The following CELF2 variants were observed in gnomAD, a reference collection of about 807,000 sequenced individuals.
CELF2 encodes CUG triplet repeat RNA-binding protein 2.
A neutral mutation model predicts 62.6 loss-of-function variants in CELF2; 8 were observed. The observed-to-expected ratio is 0.13, with a 90% CI of 0.07 to 0.23. The LOEUF (loss-of-function observed/expected upper bound fraction) is 0.23. CELF2 is among the 10% of genes least tolerant of loss of function. CELF2 has a pLI of 1.00. For missense variants in CELF2, 333 were observed against 671.0 expected, an observed-to-expected ratio of 0.50 and a Z score of 5.56; for synonymous variants, 258 against 250.0, an observed-to-expected ratio of 1.03 and a Z score of -0.30.
upstream of CELF2, among the ~76,000 whole-genome samples, chr10:11,013,497 G>A (rs1290876375): frequency 6.6e-6 from 1 of 152,126 alleles, no homozygotes; most frequent in East Asian, 1.9e-4. This position sits in a 1 kb window ranked among gnomAD's most constrained non-coding sequence, Gnocchi z 4.1. Flanking sequence ...TCTTCAGCTT[G>A]AAGGCCTCTT....
At chr10:10,893,054 G>T (rs35702588) in intron 1 of CELF2, among the ~76,000 whole-genome samples, 2,913 of 152,256 alleles carry the variant, frequency 0.019, 78 homozygotes, top group African/African-American at 0.065. Context: ...TGGACACCCT[G>T]GATAACATTA....
chr10:11,043,659 T>TA (rs2062248189), intron 1 of CELF2, among the ~76,000 whole-genome samples: 1 of 152,162 alleles, frequency 6.6e-6, no homozygotes, highest in African/African-American at 2.4e-5. Context: ...GCTTTGCTTC[T>TA]CCCACATTCT....
intron 2 of CELF2, among the ~76,000 whole-genome samples, chr10:10,973,217 G>A (rs1404426866): frequency 6.6e-6 from 1 of 151,790 alleles, no homozygotes; most frequent in Admixed American, 6.6e-5. Flanking sequence ...GGAGGCAGAG[G>A]TTGCAGTGAG....
chr10:10,649,921 G>A, the CELF2 span, among the ~76,000 whole-genome samples: 1 of 152,050 alleles, frequency 6.6e-6, no homozygotes, highest in South Asian at 2.1e-4. Context: ...ATCGATCTCT[G>A]CAGCGGGATG....
At chr10:10,984,095 G>A (rs1202859938) in intron 2 of CELF2, among the ~76,000 whole-genome samples, 2 of 152,132 alleles carry the variant, frequency 1.3e-5, no homozygotes, top group Non-Finnish European at 2.9e-5. Flanking sequence ...CAGCTTCCTG[G>A]CATCTGTTAA....
rs1473072663 is a variant in CELF2 at position 11,223,211 on chromosome 10, A to G, written c.354+5704A>G. Among the ~76,000 whole-genome samples the G allele has an allele frequency of 3.3e-5, 5 of 152,242 alleles. No individual in the cohort carries two copies. The highest frequency in any genetic ancestry group is 7.3e-5 in the Non-Finnish European group (5 of 68,042). On this transcript the variant is annotated intron_variant, in intron 3 of 12. Transcript: ENST00000633077. The surrounding 1 kb of genome is among the most constrained non-coding windows in gnomAD (Gnocchi z 5.1). ...GCGATGATGGTGAGCTCTGCTTCCC[A>G]GCATCCTCACAGTCAGGCCTGAGCG...
chr10:11,136,324 C>T (rs758485299), intron 1 of CELF2, among the ~76,000 whole-genome samples: 1 of 152,156 alleles, frequency 6.6e-6, no homozygotes, highest in South Asian at 2.1e-4. Context: ...TAAACTTGGC[C>T]GGGCCCGGTG....
chr10:10,908,213 G>GTTTTTTT, intron 1 of CELF2, among the ~76,000 whole-genome samples: 1 of 26,540 alleles, frequency 3.8e-5, no homozygotes, highest in East Asian at 1.6e-3. Flanking sequence ...TGTATGAGGG[G>GTTTTTTT]ATTTTTTTTT....
the CELF2 span, among the ~76,000 whole-genome samples, chr10:10,659,865 G>A: frequency 6.6e-6 from 1 of 152,334 alleles, no homozygotes; most frequent in East Asian, 1.9e-4. Context: ...TTAAGGATCT[G>A]GAGATGGGGA....
At chr10:11,317,873 C>T (rs1260749189) in intron 10 of CELF2, 2 of 152,236 alleles carry the variant, frequency 1.3e-5, no homozygotes, top group Non-Finnish European at 2.9e-5. Context: ...CACTGCCGCA[C>T]CTGTCACTTG....
At chr10:11,026,716 T>G (rs1213608039) in intron 1 of CELF2, among the ~76,000 whole-genome samples, 2 of 152,148 alleles carry the variant, frequency 1.3e-5, no homozygotes, top group East Asian at 3.8e-4. Context: ...TTAATGCCCG[T>G]TTTATCCTTT....
chr10:10,575,533 T>G, the CELF2 span, among the ~76,000 whole-genome samples: 2 of 152,326 alleles, frequency 1.3e-5, no homozygotes, highest in East Asian at 1.9e-4. Context: ...GTTTTTTGTT[T>G]TCCCAATTCA....
chr10:10,515,961 A>G, the CELF2 span, among the ~76,000 whole-genome samples: 14 of 152,192 alleles, frequency 9.2e-5, no homozygotes, highest in Non-Finnish European at 1.9e-4. Flanking sequence ...AAATCCACCA[A>G]TCTTAGATTT....
At chr10:10,753,784 T>C in the CELF2 span, among the ~76,000 whole-genome samples, 1 of 152,206 alleles carries the variant, frequency 6.6e-6, no homozygotes, top group African/African-American at 2.4e-5. Flanking sequence ...AGTTTATGCA[T>C]TGAACTATAG....
chr10:10,466,053 C>T, the CELF2 span, among the ~76,000 whole-genome samples: 1 of 152,164 alleles, frequency 6.6e-6, no homozygotes. Flanking sequence ...ATGTCTTTCT[C>T]CTGAAACAAC....
rs1013069066 is a variant in CELF2 at position 10,931,563 on chromosome 10, C to T, written c.89+11564C>T. Among the ~76,000 whole-genome samples the T allele has an allele frequency of 2.0e-5, 3 of 152,130 alleles. No individual in the cohort carries two copies. Among genetic ancestry groups the T allele is most frequent in the Non-Finnish European group, 4.4e-5 (3 of 68,020 alleles). ...GCATCGACATAGTGACACCTGGTGG[C>T]CCCTAATTCATCATTGGGCACCACG... On this transcript the variant is annotated intron_variant, in intron 2 of 13. Transcript: ENST00000636488. The surrounding 1 kb of genome is among the most constrained non-coding windows in gnomAD (Gnocchi z 6.1).
chr10:10,664,365 T>C, the CELF2 span, among the ~76,000 whole-genome samples: 14 of 152,314 alleles, frequency 9.2e-5, no homozygotes, highest in Admixed American at 6.5e-4. Flanking sequence ...CACAAAGTGA[T>C]ATTTTTAAAA....
chr10:10,540,232 C>G, the CELF2 span, among the ~76,000 whole-genome samples: 1 of 152,172 alleles, frequency 6.6e-6, no homozygotes, highest in Admixed American at 6.5e-5. Flanking sequence ...AGATGCATGT[C>G]AGCACGCAGC....
chr10:11,013,565 A>G (rs1331529979), upstream of CELF2, among the ~76,000 whole-genome samples: 1 of 152,202 alleles, frequency 6.6e-6, no homozygotes, highest in Non-Finnish European at 1.5e-5. The surrounding 1 kb of genome is among the most constrained non-coding windows in gnomAD (Gnocchi z 4.1). Flanking sequence ...CAGCTTCAGA[A>G]AAACACAAGA....
Sources: gnomAD v4.1 joint callset for allele counts (sites outside exome capture counted in the v4.1 genomes callset) on GRCh38, gnomAD v4.1.1 for gene constraint, Gnocchi (gnomAD v3.1) non-coding constraint, MANE v1.5 for transcripts, NCBI Gene and HGNC (gene_info 2026-07-23, HGNC 2026-07-21) for gene names.